Variants in LRWD1 observed in about 807,000 individuals in gnomAD.
LRWD1 encodes leucine rich repeats and WD repeat domain containing 1.
A neutral mutation model predicts 75.6 loss-of-function variants in LRWD1; 76 were observed. The observed-to-expected ratio is 1.01, with a 90% CI of 0.84 to 1.22. The LOEUF is 1.22. Ranked by LOEUF, LRWD1 falls within the 50% of genes most tolerant of loss-of-function variation. The pLI is 0.00. For synonymous variants in LRWD1, 487 were observed against 377.0 expected (o/e 1.29, Z -3.38); for missense variants, 917 against 862.0 (o/e 1.06, Z -0.80).
Position 102,465,836 on chromosome 7 carries a change from C to CT in LRWD1, c.103dup (p.Ser35PhefsTer19). 6.2e-7 allele frequency: 1 copy of CT among 1,613,220 alleles called. No homozygotes were observed. Among genetic ancestry groups the CT allele is most frequent in the Non-Finnish European group, 8.5e-7 (1 of 1,179,978 alleles). ...CTCCAGCCTGTCAGGATTGGAGCTG[C>CT]TTTCCGAGCACCTGGACCCCAAACT... is the stretch of plus-strand genomic sequence containing the variant. On this transcript the variant is annotated frameshift_variant, in exon 2 of 15. Transcript: ENST00000292616. LOFTEE classifies it high-confidence loss of function.
exon 15 of LRWD1, chr7:102,473,163 CAAG>C: frequency 2.4e-6 from 3 of 1,232,090 alleles, no homozygotes; most frequent in Non-Finnish European, 3.4e-6. Context: ...CTACTGTGGA[CAAG>C]AAGCCTGTGG....
At chr7:102,472,339 G>C in intron 12 of LRWD1, 30 bp downstream of exon 12, 4 of 1,555,670 alleles carry the variant, frequency 2.6e-6, no homozygotes, top group Non-Finnish European at 3.5e-6. Context: ...GGGACAGCCT[G>C]GCCTCCGGGC....
chr7:102,472,173 C>CT (rs1563658450), intron 11 of LRWD1, 45 bp from the exon 12 acceptor site: 4 of 1,536,662 alleles, frequency 2.6e-6, no homozygotes, highest in Non-Finnish European at 2.7e-6. Context: ...GGGCAGCTCT[C>CT]TATCTGCAAG....
rs143165955 is a variant in LRWD1, at chr7:102,472,730, G to A, written c.1729G>A (p.Val577Met). The A allele has an allele frequency of 1.5e-3, 2,348 of 1,613,560 alleles. 7 individuals are homozygous for A. Among genetic ancestry groups the A allele is most frequent in the Non-Finnish European group, 1.6e-3 (1,891 of 1,179,956 alleles). Residue 577 changes from valine to methionine, a missense_variant, in exon 14 of 15, where the codon GTG (valine) becomes ATG (methionine). Physicochemically the swap from Val to Met is conservative, Grantham distance 21 (BLOSUM62 1). Transcript: ENST00000292616. ...GCTCTGTGGGGATGAGGAGGGCAAC[G>A]TGTGGCTCTACGACGTCAGCAACAT... ...IVLCGDEEGNVWLYDVSNILK... is the reference protein window; with the variant it reads ...IVLCGDEEGNMWLYDVSNILK...
chr7:102,472,265 G>T lies in LRWD1; in HGVS notation c.1490G>T (p.Gly497Val). The change falls in exon 12 of 15, where the codon GGA (glycine) becomes GTA (valine). Residue 497 changes from glycine (G) to valine (V), a missense_variant. Gly to Val is a moderately radical substitution (Grantham distance 109). Transcript: ENST00000292616. ...TTCTCTGAGGGCTCCGAGGCATCTGGACGGAGAGTGGATGGGCTGGCATTT... is the reference window on the plus strand; with the variant it reads ...TTCTCTGAGGGCTCCGAGGCATCTGTACGGAGAGTGGATGGGCTGGCATTT... Reference protein sequence around the residue: ...FVFSEGSEASGRRVDGLAFVN... With the variant: ...FVFSEGSEASVRRVDGLAFVN... The T allele has an allele frequency of 6.3e-7, 1 of 1,595,234 alleles. No individual in the cohort carries two copies. The highest frequency in any genetic ancestry group is 8.6e-7 in the Non-Finnish European group (1 of 1,169,312).
In LRWD1 at chr7:102,473,145, A is replaced by C; in HGVS notation, c.*96A>C. ...GGGGGGTCTTTCAGTGAATATTTTT[A>C]TTAAACTCTACTGTGGACAAGAAGC... On this transcript the variant is annotated 3_prime_UTR_variant, in exon 15 of 15. Coordinates refer to ENST00000292616, the MANE Select transcript of LRWD1 (RefSeq NM_152892.3). The C allele has an allele frequency of 1.5e-6, 2 of 1,350,198 alleles. No homozygotes were observed. The highest frequency in any genetic ancestry group is 1.0e-6 in the Non-Finnish European group (1 of 988,010). 83.6% of individuals were successfully genotyped at this position (1,350,198 alleles called of 1,614,324 possible).
In LRWD1 at chr7:102,467,646, CCT is replaced by C. The variant is rs770847587; in HGVS notation, c.574-72_574-71del. 122 of 1,515,404 alleles carry C rather than the reference CCT, an allele frequency of 8.1e-5. 2 individuals carry two copies. Among genetic ancestry groups the C allele is most frequent in the East Asian group, 7.4e-4 (30 of 40,714 alleles). 93.9% of individuals were successfully genotyped at this position (1,515,404 alleles called of 1,614,324 possible). ...CCCAACTCTGGAAGCATAAGCTCCC[CCT>C]GACTATGCATCGGCAGGGCTGGGGG... On this transcript the variant is annotated intron_variant, in intron 4 of 14. Transcript: ENST00000292616.
At position 102,472,271 on chromosome 7, in the gene LRWD1, G is replaced by C; in HGVS notation, c.1496G>C (p.Arg499Thr). The C allele has an allele frequency of 6.3e-7, 1 of 1,592,654 alleles. No individual in the cohort carries two copies. The highest frequency in any genetic ancestry group is 1.1e-5 in the South Asian group (1 of 88,130). The change falls in exon 12 of 15, where the codon AGA becomes ACA. Residue 499 changes from arginine (R) to threonine (T), a missense_variant. Arg to Thr is a moderately conservative substitution (Grantham distance 71, BLOSUM62 -1). Coordinates refer to ENST00000292616, the MANE Select transcript of LRWD1 (RefSeq NM_152892.3). ...GAGGGCTCCGAGGCATCTGGACGGA[G>C]AGTGGATGGGCTGGCATTTGTGAAT... ...FSEGSEASGRRVDGLAFVNED... is the reference protein window; with the variant it reads ...FSEGSEASGRTVDGLAFVNED...
chr7:102,469,944 G>C lies in LRWD1; in HGVS notation c.1442+62G>C, dbSNP rs560369675. 3.7e-5 allele frequency: 53 copies of C among 1,442,450 alleles called. No homozygotes were observed. The South Asian group carries it at 7.0e-4, about 19-fold the overall frequency. 89.4% of individuals were successfully genotyped at this position (1,442,450 alleles called of 1,614,324 possible). On this transcript the variant is annotated intron_variant, in intron 11 of 14. Transcript: ENST00000292616. ...TCTGCAGAGGGTGGCTGTTGGCCCA[G>C]ATGGGCTCACAGCAGCCTGGGCACA...
Position 102,465,918 on chromosome 7 carries a change from C to G in LRWD1, c.182C>G (p.Thr61Arg), listed in dbSNP as rs756456696. The G allele has an allele frequency of 6.2e-7, 1 of 1,613,622 alleles. No individual in the cohort carries two copies. The highest frequency in any genetic ancestry group is 1.3e-5 in the African/African-American group (1 of 74,916). Residue 61 changes from threonine (T) to arginine (R), a missense_variant, in exon 2 of 15, where the codon ACG (threonine) becomes AGG (arginine). Transcript: ENST00000292616. Reference sequence around the variant, plus strand: ...GACCTGTCTAACAACCACCTGGAGACGCTGCCGGACAACCTGGGCCTGTCC... The same window carrying G: ...GACCTGTCTAACAACCACCTGGAGAGGCTGCCGGACAACCTGGGCCTGTCC... ...ELDLSNNHLE[T>R]LPDNLGLSHL...
intron 11 of LRWD1, 25 bp downstream of exon 11, chr7:102,469,907 G>C (rs1269208499): frequency 1.3e-6 from 2 of 1,500,012 alleles, no homozygotes; most frequent in South Asian, 2.6e-5. Flanking sequence ...GGGGCGCCTT[G>C]GAAGCCAGGC....
At position 102,472,538 on chromosome 7, in the gene LRWD1, C is replaced by T. The variant is rs1798232961; in HGVS notation, c.1619C>T (p.Ala540Val). 8 of 1,586,300 alleles carry T rather than the reference C, an allele frequency of 5.0e-6. No homozygotes were observed. The highest frequency in any genetic ancestry group is 6.9e-6 in the Non-Finnish European group (8 of 1,167,814). The change falls in exon 13 of 15, where the codon GCA becomes GTA. Residue 540 changes from alanine (A) to valine (V), a missense_variant. Ala to Val is a moderately conservative substitution (Grantham distance 64, BLOSUM62 0). Transcript: ENST00000292616. ...WGGRGSQSTV[A>V]VVVLARLQWS... ...GGCCGGGGCAGCCAGTCCACGGTGG[C>T]AGTGGTGGTCCTGGCGCGGCTGCAA...
At position 102,472,318 on chromosome 7, in the gene LRWD1, G is replaced by C; in HGVS notation, c.1534+9G>C. The C allele has an allele frequency of 6.4e-7, 1 of 1,565,300 alleles. No individual in the cohort carries two copies. Among genetic ancestry groups the C allele is most frequent in the African/African-American group, 1.4e-5 (1 of 73,902 alleles). ...GAATGAGGACATCGTGGGTGAGTGAGCTCAGCTTGTGGGACAGCCTGGCCT... is the reference window on the plus strand; with the variant it reads ...GAATGAGGACATCGTGGGTGAGTGACCTCAGCTTGTGGGACAGCCTGGCCT... On this transcript the variant is annotated intron_variant, in intron 12 of 14. Coordinates refer to ENST00000292616, the MANE Select transcript of LRWD1 (RefSeq NM_152892.3).
In LRWD1 at chr7:102,472,514, G is replaced by A. The variant is rs1474080229; in HGVS notation, c.1595G>A (p.Gly532Asp). 4 of 1,557,582 alleles carry A rather than the reference G, an allele frequency of 2.6e-6. No homozygotes were observed. The African/African-American group carries it at 4.1e-5, about 16-fold the overall frequency. ...CLWSWRQTWGGRGSQSTVAVV... is the reference protein window; with the variant it reads ...CLWSWRQTWGDRGSQSTVAVV... ...TGGAGCTGGAGGCAGACGTGGGGGG[G>A]CCGGGGCAGCCAGTCCACGGTGGCA... Residue 532 changes from glycine (G) to aspartate (D), a missense_variant, in exon 13 of 15, where the codon GGC becomes GAC. Coordinates refer to ENST00000292616, the MANE Select transcript of LRWD1 (RefSeq NM_152892.3).
At chr7:102,467,160 GGTGTGTGTGGGGT>G (rs1563654108) in intron 3 of LRWD1, among the ~76,000 whole-genome samples, 166 bp from the exon 4 acceptor site, 17 of 37,146 alleles carry the variant, frequency 4.6e-4, no homozygotes, top group Admixed American at 8.3e-4. Flanking sequence ...TTGTTGCTGG[GGTGTGTGTGGGGT>G]GTGTGTGTGT....
At position 102,469,450 on chromosome 7, in the gene LRWD1, C is replaced by T. The variant is rs529405469; in HGVS notation, c.1229-124C>T. The stretch of plus-strand genomic sequence containing the variant: ...CAGGAGTGTTCCTGTCTCCTAGCCT[C>T]GGCCCGCCCTCCCCGCCTCGGAGGG... On this transcript the variant is annotated intron_variant, in intron 9 of 14. Transcript: ENST00000292616. 1.1e-5 allele frequency: 12 copies of T among 1,093,088 alleles called. 1 individual carries two copies. The highest frequency in any genetic ancestry group is 8.5e-5 in the South Asian group (6 of 70,348). 67.7% of individuals were successfully genotyped at this position (1,093,088 alleles called of 1,614,324 possible). A position where few individuals can be genotyped will look rare whatever the true frequency, so the allele number is the denominator to read the frequency against.
intron 14 of LRWD1, 35 bp downstream of exon 14, chr7:102,472,839 G>A (rs751299295): frequency 7.4e-6 from 12 of 1,612,064 alleles, no homozygotes; most frequent in Middle Eastern, 1.7e-4. Context: ...GGCTTGGGCT[G>A]GCAAGGCATC....
In LRWD1 at chr7:102,465,180, T is replaced by A; in HGVS notation, c.80+20T>A. ...TCTGGAGTAAGAGCCGGGCAGCGGG[T>A]GAGGCTGTGTCCTCGGGGCCGGGCG... On this transcript the variant is annotated intron_variant, in intron 1 of 14. Transcript: ENST00000292616. The A allele has an allele frequency of 6.8e-7, 1 of 1,469,986 alleles. No individual in the cohort carries two copies. The highest frequency in any genetic ancestry group is 9.0e-7 in the Non-Finnish European group (1 of 1,111,684). The allele number at this position is 1,469,986 out of a possible 1,614,324, so 91.1% of individuals were successfully genotyped here. A position where few individuals can be genotyped will look rare whatever the true frequency, so the allele number is the denominator to read the frequency against.
rs1257702972 is a variant in LRWD1 at position 102,465,919 on chromosome 7, G to A, written c.183G>A (p.Thr61=). 1.9e-6 allele frequency: 3 copies of A among 1,613,702 alleles called. No homozygotes were observed. The highest frequency in any genetic ancestry group is 1.6e-4 in the Middle Eastern group (1 of 6,062). Residue 61 remains threonine, a synonymous_variant, in exon 2 of 15, where the codon ACG becomes ACA. Coordinates refer to ENST00000292616, the MANE Select transcript of LRWD1 (RefSeq NM_152892.3). ...ELDLSNNHLE[T]LPDNLGLSHL... is the part of the protein sequence containing the mutation. ...ACCTGTCTAACAACCACCTGGAGAC[G>A]CTGCCGGACAACCTGGGCCTGTCCC... is the stretch of plus-strand genomic sequence containing the variant.
Sources: gnomAD v4.1 joint callset for allele counts (sites outside exome capture counted in the v4.1 genomes callset) on GRCh38, gnomAD v4.1.1 for gene constraint, MANE v1.5 for transcripts, NCBI Gene and HGNC (gene_info 2026-07-23, HGNC 2026-07-21) for gene names.